The following NKPD1 variants were observed in gnomAD, a reference collection of about 807,000 sequenced individuals.
The protein encoded by NKPD1 is NTPase KAP family P-loop domain containing 1.
In NKPD1, 37 loss-of-function variants were observed where a neutral mutation model predicts 42.2. The ratio of observed to expected loss-of-function variants is 0.88; its 90% confidence interval spans 0.67 to 1.15. The LOEUF (loss-of-function observed/expected upper bound fraction) is 1.15, where lower values mean the gene tolerates loss of function less well. NKPD1 is among the 50% of genes most tolerant of loss of function. The pLI, the probability that NKPD1 is intolerant of heterozygous loss-of-function variation, is 0.00. For synonymous variants in NKPD1, 552 were observed against 536.5 expected (o/e 1.03, Z -0.40); for missense variants, 1,113 against 1,174.6 (o/e 0.95, Z 0.77).
At chr19:45,156,814 G>A (rs1168812466) in intron 3 of NKPD1, among the ~76,000 whole-genome samples, 1 of 152,228 alleles carries the variant, frequency 6.6e-6, no homozygotes, top group Admixed American at 6.5e-5. Flanking sequence ...GCCACTTTCA[G>A]AGAGGCCTGG....
At chr19:45,157,844 C>A (rs372308091) in intron 3 of NKPD1, among the ~76,000 whole-genome samples, 11 of 151,544 alleles carry the variant, frequency 7.3e-5, no homozygotes, top group African/African-American at 2.7e-4. Flanking sequence ...CGTGCCTCAG[C>A]CTCCTGAGTA....
Position 45,155,766 on chromosome 19 carries a change from A to C in NKPD1, c.661+19T>G. 1 of 1,291,936 alleles carries C rather than the reference A, an allele frequency of 7.7e-7. No homozygotes were observed. Among genetic ancestry groups the C allele is most frequent in the African/African-American group, 1.5e-5 (1 of 65,794 alleles). 80.0% of individuals were successfully genotyped at this position (1,291,936 alleles called of 1,614,324 possible). On this transcript the variant is annotated intron_variant, in intron 4 of 4. Coordinates refer to ENST00000686631, the MANE Select transcript of NKPD1 (RefSeq NM_198478.4). ...CCTGTTTCTCATCCTCCCCCCAACAAACACACACAGCTCCTCACCCGTGAT... is the reference window on the plus strand; with the variant it reads ...CCTGTTTCTCATCCTCCCCCCAACACACACACACAGCTCCTCACCCGTGAT...
rs1262621594 is a variant in NKPD1, at chr19:45,153,676, A to G, written c.761T>C (p.Leu254Pro). ...GGGCTGCAGGAACACCAGGTACCAC[A>G]GTAGCTGCGGGACGCCCCAGCCGCT... ...AVSGWGVPQL[L>P]WYLVFLQPII... is the part of the protein sequence containing the mutation. The change falls in exon 5 of 5, where the codon CTG becomes CCG. Residue 254 changes from leucine (L) to proline (P), a missense_variant. By Grantham distance (98) the Leu-to-Pro change is moderately conservative. Coordinates refer to ENST00000686631, the MANE Select transcript of NKPD1 (RefSeq NM_198478.4). 10 of 1,565,246 alleles carry G rather than the reference A, an allele frequency of 6.4e-6. No homozygotes were observed. Among genetic ancestry groups the G allele is most frequent in the Non-Finnish European group, 7.8e-6 (9 of 1,155,258 alleles).
At position 45,159,025 on chromosome 19, in the gene NKPD1, T is replaced by C. The variant is rs1354593012; in HGVS notation, c.167A>G (p.His56Arg). Residue 56 changes from histidine to arginine, a missense_variant, in exon 3 of 5, where the codon CAC becomes CGC. This residue lies in a region of NKPD1 where 204 missense variants were observed against 227.8 expected (regional missense o/e 0.90). Transcript: ENST00000686631. ...HGPCRPSPQS[H>R]WQLAYHSHQV... Reference sequence around the variant, plus strand: ...GTGGCTGTGGTAGGCCAGCTGCCAGTGTGATTGGGGGGAAGGCCGACAGGG... The same window carrying C: ...GTGGCTGTGGTAGGCCAGCTGCCAGCGTGATTGGGGGGAAGGCCGACAGGG... 1 of 1,299,988 alleles carries C rather than the reference T, an allele frequency of 7.7e-7. No individual in the cohort carries two copies. The allele number at this position is 1,299,988 out of a possible 1,614,324, so 80.5% of individuals were successfully genotyped here. A position where few individuals can be genotyped will look rare whatever the true frequency, so the allele number is the denominator to read the frequency against.
chr19:45,162,476 G>A (rs573145513), upstream of NKPD1, among the ~76,000 whole-genome samples: 23 of 152,304 alleles, frequency 1.5e-4, no homozygotes, highest in African/African-American at 5.5e-4. Context: ...CGAAGCCCAG[G>A]AGTCCCCAGA....
intron 3 of NKPD1, among the ~76,000 whole-genome samples, chr19:45,157,117 C>T (rs1390997532): frequency 7.2e-5 from 11 of 152,230 alleles, no homozygotes; most frequent in African/African-American, 1.9e-4. Context: ...GCAAGGCTGC[C>T]GCACCTCTCG....
intron 2 of NKPD1, among the ~76,000 whole-genome samples, chr19:45,159,447 AAGATCCATTGGG>A (rs1353967774): frequency 6.6e-6 from 1 of 152,078 alleles, no homozygotes; most frequent in Non-Finnish European, 1.5e-5. Context: ...GGAAACTGAG[AAGATCCATTGGG>A]AGCTGGCCCT....
chr19:45,162,248 C>T (rs147206943), upstream of NKPD1, among the ~76,000 whole-genome samples: 465 of 152,286 alleles, frequency 3.1e-3, 2 homozygotes, highest in African/African-American at 0.01. Context: ...GTGGGCCAGG[C>T]GGGCAGCACT....
Position 45,152,343 on chromosome 19 carries a change from G to T in NKPD1, c.2094C>A (p.Ser698Arg). ...CCTTGGTCATGGTGTGCAGCTCGCG[G>T]CTGTTGTCGCGGAAAACGTCCCAGA... ...ARLWDVFRDN[S>R]RELHTMTKAL... Residue 698 changes from serine (S) to arginine (R), a missense_variant, in exon 5 of 5, where the codon AGC becomes AGA. Ser to Arg is a moderately radical substitution (Grantham distance 110). This residue lies in a region of NKPD1 where 867 missense variants were observed against 870.1 expected (regional missense o/e 1.00). Coordinates refer to ENST00000686631, the MANE Select transcript of NKPD1 (RefSeq NM_198478.4). 6.2e-7 allele frequency: 1 copy of T among 1,604,948 alleles called. No individual in the cohort carries two copies. Among genetic ancestry groups the T allele is most frequent in the Non-Finnish European group, 8.5e-7 (1 of 1,175,562 alleles).
In NKPD1 at chr19:45,153,387, C is replaced by T; in HGVS notation, c.1050G>A (p.Ala350=). The change falls in exon 5 of 5, where the codon GCG becomes GCA. Residue 350 remains alanine, a synonymous_variant. Coordinates refer to ENST00000686631, the MANE Select transcript of NKPD1 (RefSeq NM_198478.4). Reference sequence around the variant, plus strand: ...AGAGCAGCCCCACACCCAGGCCCAGCGCCGCCAGCAGCGCCAGCAGCCCCA... The same window carrying T: ...AGAGCAGCCCCACACCCAGGCCCAGTGCCGCCAGCAGCGCCAGCAGCCCCA... The part of the protein sequence containing the change: ...VCLGLLALLA[A]LGLGVGLLYL... 2 of 1,560,716 alleles carry T rather than the reference C, an allele frequency of 1.3e-6. No individual in the cohort carries two copies. Among genetic ancestry groups the T allele is most frequent in the Non-Finnish European group, 1.7e-6 (2 of 1,156,570 alleles).
In NKPD1 at chr19:45,152,704, G is replaced by GCCTGCA. The variant is rs774306290; in HGVS notation, c.1727_1732dup (p.Val576_Gln577dup). 5.8e-6 allele frequency: 9 copies of GCCTGCA among 1,557,650 alleles called. No individual in the cohort carries two copies. The Admixed American group carries it at 9.1e-5, about 16-fold the overall frequency. The stretch of plus-strand genomic sequence containing the variant: ...CTGCCCGCGCTCCGTCCCCGCCTGC[G>GCCTGCA]CCTGCACCGCCAGCAGCTGCGCGCT... On this transcript the variant is annotated inframe_insertion, in exon 5 of 5. Transcript: ENST00000686631.
chr19:45,158,611 A>G lies in NKPD1; in HGVS notation c.529+52T>C, dbSNP rs1041243127. ...CAGGGAGCAAGGAGAGCAGGTGGGA[A>G]GTGAGGCGGCAGGAGTGGGGACAGG... On this transcript the variant is annotated intron_variant, in intron 3 of 4. Coordinates refer to ENST00000686631, the MANE Select transcript of NKPD1 (RefSeq NM_198478.4). The surrounding 1 kb of genome is among the most constrained non-coding windows in gnomAD (Gnocchi z 4.6). 4 of 1,145,860 alleles carry G rather than the reference A, an allele frequency of 3.5e-6. No individual in the cohort carries two copies. The Admixed American group carries it at 1.3e-4, about 39-fold the overall frequency. The allele number at this position is 1,145,860 out of a possible 1,614,324, so 71.0% of individuals were successfully genotyped here.
rs1323129202 is a variant in NKPD1 at position 45,158,921 on chromosome 19, AGGGCTGGGACTG to A, written c.259_270del (p.Gln87_Pro90del). 7.7e-7 allele frequency: 1 copy of A among 1,296,384 alleles called. No individual in the cohort carries two copies. The highest frequency in any genetic ancestry group is 5.7e-5 in the East Asian group (1 of 17,668). 80.3% of individuals were successfully genotyped at this position (1,296,384 alleles called of 1,614,324 possible). A position where few individuals can be genotyped will look rare whatever the true frequency, so the allele number is the denominator to read the frequency against. Reference sequence around the variant, plus strand: ...CGCTGCCGCAGGGGGCTGGGAGGTGAGGGCTGGGACTGGGGCTGCCGCTGCTGCTGCAGGACG... The same window carrying A: ...CGCTGCCGCAGGGGGCTGGGAGGTGAGGGCTGCCGCTGCTGCTGCAGGACG... On this transcript the variant is annotated inframe_deletion, in exon 3 of 5. Coordinates refer to ENST00000686631, the MANE Select transcript of NKPD1 (RefSeq NM_198478.4). The surrounding 1 kb of genome is among the most constrained non-coding windows in gnomAD (Gnocchi z 4.6).
At position 45,152,273 on chromosome 19, in the gene NKPD1, C is replaced by A. The variant is rs760952743; in HGVS notation, c.2164G>T (p.Glu722Ter). ...LDLDGDPELFERFLGADFPFT... is the reference protein window; with the variant it reads ...LDLDGDPELF Reference sequence around the variant, plus strand: ...GGGAAGTCGGCGCCCAGGAAGCGCTCGAAGAGCTCGGGGTCGCCGTCCAGG... The same window carrying A: ...GGGAAGTCGGCGCCCAGGAAGCGCTAGAAGAGCTCGGGGTCGCCGTCCAGG... Residue 722 changes from glutamate to a stop codon, truncating the protein, a stop_gained, in exon 5 of 5, where the codon GAG (glutamate) becomes TAG (stop). Coordinates refer to ENST00000686631, the MANE Select transcript of NKPD1 (RefSeq NM_198478.4). LOFTEE classifies it low-confidence loss of function (END_TRUNC). 6.2e-7 allele frequency: 1 copy of A among 1,610,106 alleles called. No homozygotes were observed. Among genetic ancestry groups the A allele is most frequent in the Admixed American group, 1.7e-5 (1 of 59,824 alleles).
upstream of NKPD1, among the ~76,000 whole-genome samples, chr19:45,161,503 C>G (rs1443092119): frequency 6.6e-6 from 1 of 152,226 alleles, no homozygotes; most frequent in Non-Finnish European, 1.5e-5. Flanking sequence ...ACACCATAGC[C>G]CCGTCTTCCT....
At position 45,158,702 on chromosome 19, in the gene NKPD1, CGGG is replaced by C. The variant is rs1194014343; in HGVS notation, c.487_489del (p.Pro163del). 37 of 1,190,326 alleles carry C rather than the reference CGGG, an allele frequency of 3.1e-5. No homozygotes were observed. The highest frequency in any genetic ancestry group is 3.8e-5 in the Non-Finnish European group (36 of 939,084). 73.7% of individuals were successfully genotyped at this position (1,190,326 alleles called of 1,614,324 possible). A position where few individuals can be genotyped will look rare whatever the true frequency, so the allele number is the denominator to read the frequency against. ...GTGAAGGAGCCACAGGCCGCTGGGG[CGGG>C]CAGGGGCCGGGCATCAGTGGGCTCG... On this transcript the variant is annotated inframe_deletion, in exon 3 of 5. Transcript: ENST00000686631. The surrounding 1 kb of genome is among the most constrained non-coding windows in gnomAD (Gnocchi z 4.6).
At position 45,152,180 on chromosome 19, in the gene NKPD1, G is replaced by A. The variant is rs774986037; in HGVS notation, c.2257C>T (p.Arg753Cys). The A allele has an allele frequency of 2.5e-6, 4 of 1,591,386 alleles. No homozygotes were observed. Among genetic ancestry groups the A allele is most frequent in the East Asian group, 4.6e-5 (2 of 43,720 alleles). ...TVNLDHSIRR[R>C]MGLIRAVSAL... ...CTGACGGCTCGGATGAGACCCATGCGCCGGCGGATGGAGTGGTCCAGGTTG... is the reference window on the plus strand; with the variant it reads ...CTGACGGCTCGGATGAGACCCATGCACCGGCGGATGGAGTGGTCCAGGTTG... The change falls in exon 5 of 5, where the codon CGC becomes TGC. Residue 753 changes from arginine (R) to cysteine (C), a missense_variant. Coordinates refer to ENST00000686631, the MANE Select transcript of NKPD1 (RefSeq NM_198478.4).
In NKPD1 at chr19:45,152,340, G is replaced by C; in HGVS notation, c.2097C>G (p.Arg699=). The stretch of plus-strand genomic sequence containing the variant: ...ACGCCTTGGTCATGGTGTGCAGCTC[G>C]CGGCTGTTGTCGCGGAAAACGTCCC... ...RLWDVFRDNS[R]ELHTMTKALQ... is the part of the protein sequence containing the mutation. Residue 699 remains arginine (R), a synonymous_variant, in exon 5 of 5, where the codon CGC becomes CGG. Coordinates refer to ENST00000686631, the MANE Select transcript of NKPD1 (RefSeq NM_198478.4). 1 of 1,605,420 alleles carries C rather than the reference G, an allele frequency of 6.2e-7. No individual in the cohort carries two copies. Among genetic ancestry groups the C allele is most frequent in the Non-Finnish European group, 8.5e-7 (1 of 1,175,668 alleles).
rs780624670 is a variant in NKPD1, at chr19:45,151,969, C to T, written c.2468G>A (p.Arg823His). 3 of 1,593,790 alleles carry T rather than the reference C, an allele frequency of 1.9e-6. No homozygotes were observed. The highest frequency in any genetic ancestry group is 2.7e-5 in the African/African-American group (2 of 74,240). The change falls in exon 5 of 5, where the codon CGT (arginine) becomes CAT (histidine). Residue 823 changes from arginine (R) to histidine (H), a missense_variant. Arg to His is a conservative substitution (Grantham distance 29, BLOSUM62 0). Coordinates refer to ENST00000686631, the MANE Select transcript of NKPD1 (RefSeq NM_198478.4). ...KLWPVACALF[R>H]PGQSSPGGP Reference sequence around the variant, plus strand: ...CCCACCTGGGCTGGATTGCCCTGGACGGAAGAGCGCACAGGCCACCGGCCA... The same window carrying T: ...CCCACCTGGGCTGGATTGCCCTGGATGGAAGAGCGCACAGGCCACCGGCCA...
Sources: allele counts gnomAD v4.1 joint callset (sites outside exome capture counted in the v4.1 genomes callset), GRCh38; gene constraint gnomAD v4.1.1; regional missense constraint gnomAD v4.1.1; non-coding constraint Gnocchi (gnomAD v3.1); transcripts MANE v1.5; gene names NCBI Gene and HGNC (gene_info 2026-07-23, HGNC 2026-07-21).